Variants in DNMBP observed in about 807,000 individuals in gnomAD.
DNMBP encodes the protein dynamin binding protein.
A neutral mutation model predicts 150.0 loss-of-function variants in DNMBP; 87 were observed. That is an observed-to-expected ratio of 0.58 (90% CI 0.49 to 0.69). The LOEUF (loss-of-function observed/expected upper bound fraction) is 0.69, where lower values mean the gene tolerates loss of function less well. Among genes scored for constraint, DNMBP ranks in the 30% least tolerant of loss-of-function variants. The pLI is 0.00. For synonymous variants in DNMBP, 711 were observed against 750.4 expected, an observed-to-expected ratio of 0.95 and a Z score of 0.86; for missense variants, 1,774 against 1,949.0, an observed-to-expected ratio of 0.91 and a Z score of 1.69.
At chr10:100,004,937 T>C (rs1334822993) in intron 1 of DNMBP, among the ~76,000 whole-genome samples, 2 of 152,124 alleles carry the variant, frequency 1.3e-5, no homozygotes, top group Non-Finnish European at 2.9e-5. Flanking sequence ...ACAAAATAGA[T>C]ATCAACTCCA....
At position 99,964,578 on chromosome 10, in the gene DNMBP, A is replaced by T. The variant is rs192683867; in HGVS notation, c.268+4537T>A. ...GAGACAGACTTGTTTCTCAGTTTAA[A>T]TATAACTCGAGGCCAGGCGTGGTGG... On this transcript the variant is annotated intron_variant, in intron 3 of 16. Transcript: ENST00000324109. Among the ~76,000 whole-genome samples the T allele has an allele frequency of 7.6e-4, 115 of 150,712 alleles. 1 individual carries two copies. Among genetic ancestry groups the T allele is most frequent in the African/African-American group, 2.8e-3 (114 of 41,036 alleles).
At chr10:99,976,919 C>A (rs1200703427) in intron 1 of DNMBP, among the ~76,000 whole-genome samples, 1 of 152,152 alleles carries the variant, frequency 6.6e-6, no homozygotes, top group Admixed American at 6.5e-5. Flanking sequence ...TCTCAGATTT[C>A]ATCTATCAGA....
rs2039631402 is a variant in DNMBP, at chr10:99,895,044, C to T, written c.3058G>A (p.Asp1020Asn). 6.3e-7 allele frequency: 1 copy of T among 1,592,318 alleles called. No homozygotes were observed. Among genetic ancestry groups the T allele is most frequent in the Admixed American group, 1.7e-5 (1 of 59,350 alleles). ...TTTTCTGTTTCTTCAAATACTTCAT[C>T]TTTTATCTGTTCAAAAATAAACAAG... ...HLTGFAPQIKDEVFEETEKNF... is the reference protein window; with the variant it reads ...HLTGFAPQIKNEVFEETEKNF... Residue 1020 changes from aspartate (D) to asparagine (N), a missense_variant, in exon 11 of 17, where the codon GAT becomes AAT. This residue lies in a region of DNMBP where 1,430 missense variants were observed against 1,492.5 expected (regional missense o/e 0.96). Transcript: ENST00000324109.
Position 99,909,103 on chromosome 10 carries a change from A to T in DNMBP, c.2304T>A (p.Pro768=). ...GATTTTCGGCAGACACAGACCCAGAAGGGGCCACCAGTGATGAAGACTGGG... is the reference window on the plus strand; with the variant it reads ...GATTTTCGGCAGACACAGACCCAGATGGGGCCACCAGTGATGAAGACTGGG... ...LSSQSSSLVA[P]SGSVSAENPE... The change falls in exon 5 of 17, where the codon CCT becomes CCA. Residue 768 remains proline, a synonymous_variant. Transcript: ENST00000324109. The T allele has an allele frequency of 6.2e-7, 1 of 1,614,164 alleles. No homozygotes were observed. The highest frequency in any genetic ancestry group is 8.5e-7 in the Non-Finnish European group (1 of 1,180,020).
chr10:99,941,650 T>C (rs922445872), intron 4 of DNMBP, among the ~76,000 whole-genome samples: 12 of 152,078 alleles, frequency 7.9e-5, no homozygotes, highest in Non-Finnish European at 1.8e-4. Flanking sequence ...GTATTTTTAG[T>C]AGAGACGGGG....
chr10:99,937,917 T>G (rs529327717), intron 4 of DNMBP, among the ~76,000 whole-genome samples: 6 of 152,234 alleles, frequency 3.9e-5, no homozygotes, highest in Non-Finnish European at 8.8e-5. Context: ...GAGAGAGCAC[T>G]GGAGACCAAA....
intron 16 of DNMBP, among the ~76,000 whole-genome samples, chr10:99,879,196 G>A (rs1259812589): frequency 6.6e-6 from 1 of 152,098 alleles, no homozygotes; most frequent in Admixed American, 6.6e-5. Context: ...TGGGCACAAT[G>A]GCTCACGCCT....
At chr10:99,891,701 C>T (rs1425719781) in intron 11 of DNMBP, among the ~76,000 whole-genome samples, 4 of 149,044 alleles carry the variant, frequency 2.7e-5, no homozygotes, top group East Asian at 3.9e-4. Flanking sequence ...CGTCTCTGCC[C>T]GGCCGCCATC....
At chr10:99,918,859 T>TACA (rs1368233298) in intron 4 of DNMBP, among the ~76,000 whole-genome samples, 1 of 152,184 alleles carries the variant, frequency 6.6e-6, no homozygotes, top group African/African-American at 2.4e-5. Context: ...TACACATAAA[T>TACA]CCTAGCATGG....
chr10:99,966,101 G>C (rs1475077409), intron 3 of DNMBP, among the ~76,000 whole-genome samples: 4 of 152,054 alleles, frequency 2.6e-5, no homozygotes, highest in African/African-American at 4.8e-5. Context: ...AAGTTTCCCA[G>C]AAAAAGGCAA....
chr10:99,888,975 A>T (rs1564717635), intron 11 of DNMBP, 22 bp from the exon 12 acceptor site: 3 of 1,613,136 alleles, frequency 1.9e-6, no homozygotes, highest in Non-Finnish European at 2.5e-6. Flanking sequence ...TAGGACAGAC[A>T]CAAGTCAGAA....
chr10:99,930,440 A>G (rs1220450994), intron 4 of DNMBP: 11 of 702,918 alleles, frequency 1.6e-5, no homozygotes, highest in Non-Finnish European at 2.9e-5. Flanking sequence ...TGAGACTCTC[A>G]TAATCTACAT....
intron 4 of DNMBP, among the ~76,000 whole-genome samples, chr10:99,951,442 C>G (rs529413368): frequency 6.6e-6 from 1 of 152,232 alleles, no homozygotes; most frequent in African/African-American, 2.4e-5. Flanking sequence ...CAGCTTGCAC[C>G]GTGTGCCTGG....
rs763517648 is a variant in DNMBP at position 99,955,213 on chromosome 10, C to T, written c.2260+1G>A. On this transcript the variant is annotated splice_donor_variant, in intron 4 of 16. Transcript: ENST00000324109. LOFTEE classifies it high-confidence loss of function. ...TTACATATTATTTCCTCGTCACTTA[C>T]CTCTTAGTTGCTGGAGTTCCATATT... is the stretch of plus-strand genomic sequence containing the variant. The T allele has an allele frequency of 6.2e-7, 1 of 1,611,390 alleles. No individual in the cohort carries two copies. The highest frequency in any genetic ancestry group is 8.5e-7 in the Non-Finnish European group (1 of 1,178,044).
chr10:99,990,934 A>C (rs2040883767), intron 1 of DNMBP, among the ~76,000 whole-genome samples: 1 of 151,854 alleles, frequency 6.6e-6, no homozygotes, highest in African/African-American at 2.4e-5. Flanking sequence ...GTTTCTCTTC[A>C]TCTCATTTTT....
rs763388534 is a variant in DNMBP, at chr10:99,879,860, G to C, written c.4499C>G (p.Pro1500Arg). 1 of 1,614,100 alleles carries C rather than the reference G, an allele frequency of 6.2e-7. No homozygotes were observed. The highest frequency in any genetic ancestry group is 1.3e-5 in the African/African-American group (1 of 74,918). Residue 1500 changes from proline (P) to arginine (R), a missense_variant, in exon 16 of 17, where the codon CCG becomes CGG. Around this residue, in one of 2 missense-constraint regions of DNMBP, gnomAD observed 1,430 missense variants for 1,492.5 expected, o/e 0.96. Transcript: ENST00000324109. ...ATCTGGCTCTGTACTTCTGTCTTCC[G>C]GAGCCTGGGCTGTTCTTGCACATCC... ...VKGCARTAQA[P>R]EDRSTEPDGS...
chr10:99,929,988 C>G, intron 4 of DNMBP: 1 of 702,936 alleles, frequency 1.4e-6, no homozygotes, highest in Non-Finnish European at 2.6e-6. Flanking sequence ...ATCAAAATCA[C>G]CCTGATCCAT....
At position 99,876,994 on chromosome 10, in the gene DNMBP, C is replaced by G. The variant is rs1416026386; in HGVS notation, c.*157G>C. The stretch of plus-strand genomic sequence containing the variant: ...TGAGCATCAAGGTTTACAACCCAAT[C>G]GAGGAGAACAAGATCTGTGGTGTGC... On this transcript the variant is annotated 3_prime_UTR_variant, in exon 17 of 17. Transcript: ENST00000324109. 3.5e-6 allele frequency: 2 copies of G among 578,818 alleles called. No individual in the cohort carries two copies. Among genetic ancestry groups the G allele is most frequent in the Non-Finnish European group, 5.9e-6 (2 of 339,618 alleles). The allele number at this position is 578,818 out of a possible 1,614,324, so 35.9% of individuals were successfully genotyped here. A position where few individuals can be genotyped will look rare whatever the true frequency, so the allele number is the denominator to read the frequency against.
chr10:100,002,340 G>C (rs977778903), intron 1 of DNMBP, among the ~76,000 whole-genome samples: 5 of 151,448 alleles, frequency 3.3e-5, no homozygotes, highest in Admixed American at 2.6e-4. Flanking sequence ...AAAAGAAAGA[G>C]AGAGAAGAGC....
Sources: allele counts gnomAD v4.1 joint callset (sites outside exome capture counted in the v4.1 genomes callset), GRCh38; gene constraint gnomAD v4.1.1; regional missense constraint gnomAD v4.1.1; transcripts MANE v1.5; gene names NCBI Gene and HGNC (gene_info 2026-07-23, HGNC 2026-07-21).